The following ACTR3C variants were observed in gnomAD, a reference collection of about 807,000 sequenced individuals.
ACTR3C encodes the protein actin related protein 3C.
Under a neutral mutation model 26.3 loss-of-function variants are expected in ACTR3C, and 18 were observed. That is an observed-to-expected ratio of 0.68 (90% CI 0.47 to 1.01). The LOEUF (loss-of-function observed/expected upper bound fraction) is 1.01, where lower values mean the gene tolerates loss of function less well. Among genes scored for constraint, ACTR3C ranks in the 50% least tolerant of loss-of-function variants. ACTR3C has a pLI of 0.00. For missense variants in ACTR3C, 184 were observed against 250.7 expected, an observed-to-expected ratio of 0.73 and a Z score of 1.80; for synonymous variants, 55 against 94.5, an observed-to-expected ratio of 0.58 and a Z score of 2.42.
At chr7:149,972,989 C>T in the ACTR3C span, among the ~76,000 whole-genome samples, 1 of 151,752 alleles carries the variant, frequency 6.6e-6, no homozygotes, top group South Asian at 2.1e-4. Flanking sequence ...AGGTAAGCCC[C>T]GTGCATGGGC....
At chr7:150,158,904 T>TGC in the ACTR3C span, among the ~76,000 whole-genome samples, 2 of 146,738 alleles carry the variant, frequency 1.4e-5, no homozygotes, top group Admixed American at 6.8e-5. Context: ...GGCACACACG[T>TGC]GCGCACACAC....
intron 6 of ACTR3C, among the ~76,000 whole-genome samples, chr7:150,283,300 C>T (rs1835496111): frequency 6.7e-6 from 1 of 150,084 alleles, no homozygotes; most frequent in Admixed American, 6.6e-5. Context: ...GGACATGACC[C>T]GCTAGCTTTC....
At chr7:150,208,827 T>C in the ACTR3C span, among the ~76,000 whole-genome samples, 2 of 152,164 alleles carry the variant, frequency 1.3e-5, no homozygotes, top group East Asian at 1.9e-4. Flanking sequence ...ATTTGATCAA[T>C]TGAAATTGAC....
chr7:150,198,737 C>A, the ACTR3C span, among the ~76,000 whole-genome samples: 1 of 147,034 alleles, frequency 6.8e-6, no homozygotes, highest in Non-Finnish European at 1.5e-5. Flanking sequence ...GCAGCCACCC[C>A]GTCCGGGAGG....
At chr7:150,265,210 T>C (rs1157757109) in intron 6 of ACTR3C, among the ~76,000 whole-genome samples, 1 of 151,974 alleles carries the variant, frequency 6.6e-6, no homozygotes, top group Non-Finnish European at 1.5e-5. Flanking sequence ...GACCATTACA[T>C]CTAGAATGGC....
At chr7:150,093,745 G>A in the ACTR3C span, among the ~76,000 whole-genome samples, 10 of 150,936 alleles carry the variant, frequency 6.6e-5, no homozygotes, top group Admixed American at 2.6e-4. Context: ...CCCCTTTCAA[G>A]GGGAGGTAGC....
At chr7:150,269,351 GA>G (rs1394551403) in intron 6 of ACTR3C, among the ~76,000 whole-genome samples, 1 of 145,866 alleles carries the variant, frequency 6.9e-6, no homozygotes, top group East Asian at 2.0e-4. Flanking sequence ...GCCAGGTGGG[GA>G]TGCCCAAAGG....
intron 1 of ACTR3C, among the ~76,000 whole-genome samples, chr7:150,307,522 C>T (rs1795888773): frequency 6.6e-6 from 1 of 152,220 alleles, no homozygotes; most frequent in South Asian, 2.1e-4. Flanking sequence ...CCTCTGCTAA[C>T]AATAAATAAC....
the ACTR3C span, among the ~76,000 whole-genome samples, chr7:150,072,515 G>T: frequency 7.0e-6 from 1 of 142,986 alleles, no homozygotes; most frequent in East Asian, 2.3e-4. Flanking sequence ...CCACACAAAT[G>T]TCATAGCTGT....
the ACTR3C span, among the ~76,000 whole-genome samples, chr7:149,907,480 C>CTCTTCTCT: frequency 1.7e-5 from 2 of 120,502 alleles, no homozygotes; most frequent in East Asian, 6.0e-4. Context: ...CTCTTCTCTT[C>CTCTTCTCT]TCTCTCTCTC....
chr7:150,035,488 G>A, the ACTR3C span, among the ~76,000 whole-genome samples: 4 of 122,622 alleles, frequency 3.3e-5, no homozygotes, highest in Non-Finnish European at 7.3e-5. Flanking sequence ...AACAGCCAGG[G>A]GCGGAAGAGG....
At chr7:150,043,757 C>A in the ACTR3C span, among the ~76,000 whole-genome samples, 6 of 152,120 alleles carry the variant, frequency 3.9e-5, no homozygotes, top group Non-Finnish European at 5.9e-5. Context: ...TTAGGAAAAT[C>A]ATGTGAAACT....
At chr7:150,002,106 A>C in the ACTR3C span, 1 of 148,366 alleles carries the variant, frequency 6.7e-6, no homozygotes, top group Non-Finnish European at 1.5e-5. Flanking sequence ...TACACGTCCC[A>C]GTGGTAGCCA....
At chr7:150,089,951 T>C in the ACTR3C span, among the ~76,000 whole-genome samples, 157 of 152,288 alleles carry the variant, frequency 1.0e-3, 6 homozygotes, top group South Asian at 0.031. Flanking sequence ...TTTCCCCAAG[T>C]CAAGCTCTCT....
At position 150,284,656 on chromosome 7, in the gene ACTR3C, G is replaced by T. The variant is rs550168401; in HGVS notation, c.564+97C>A. On this transcript the variant is annotated intron_variant, in intron 6 of 7. Transcript: ENST00000683684. ...CCTATGAAACAGAAGGTGAAACAGG[G>T]ATATTTACTAGTAATAGACAGTAAT... The T allele has an allele frequency of 9.2e-3, 9,471 of 1,024,640 alleles. 42 individuals are homozygous for T. The highest frequency in any genetic ancestry group is 0.011 in the Non-Finnish European group (8,234 of 763,346). The allele number at this position is 1,024,640 out of a possible 1,614,324, so 63.5% of individuals were successfully genotyped here.
the ACTR3C span, among the ~76,000 whole-genome samples, chr7:150,045,283 A>G: frequency 6.6e-6 from 1 of 152,234 alleles, no homozygotes; most frequent in East Asian, 1.9e-4. Context: ...ATGTTCATCT[A>G]TCTTTTAGTA....
chr7:150,042,943 G>C, the ACTR3C span, among the ~76,000 whole-genome samples: 4 of 150,928 alleles, frequency 2.7e-5, no homozygotes, highest in East Asian at 7.8e-4. Flanking sequence ...TGAAAGACTC[G>C]CTGTTGTCGG....
chr7:150,038,069 C>T, the ACTR3C span, among the ~76,000 whole-genome samples: 12 of 133,100 alleles, frequency 9.0e-5, no homozygotes, highest in South Asian at 2.3e-4. Flanking sequence ...TCTGAGTCCC[C>T]ACCTCGCGGG....
chr7:150,117,431 A>G, the ACTR3C span, among the ~76,000 whole-genome samples: 1 of 152,172 alleles, frequency 6.6e-6, no homozygotes, highest in Admixed American at 6.5e-5. Flanking sequence ...GCTTGAGTAC[A>G]TGGTTTTCCC....
Sources: gnomAD v4.1 joint callset for allele counts (sites outside exome capture counted in the v4.1 genomes callset) on GRCh38, gnomAD v4.1.1 for gene constraint, MANE v1.5 for transcripts, NCBI Gene and HGNC (gene_info 2026-07-23, HGNC 2026-07-21) for gene names.